The following PARP16 variants were observed in gnomAD, a reference collection of about 807,000 sequenced individuals.
PARP16 encodes protein mono-ADP-ribosyltransferase PARP16.
A neutral mutation model predicts 35.0 loss-of-function variants in PARP16; 31 were observed. That is an observed-to-expected ratio of 0.88 (90% CI 0.66 to 1.19). The LOEUF is 1.19. Among genes scored for constraint, PARP16 ranks in the 50% most tolerant of loss-of-function variants. The pLI is 0.00. For synonymous variants in PARP16, 162 were observed against 169.5 expected, an observed-to-expected ratio of 0.96 and a Z score of 0.34; for missense variants, 424 against 411.2, an observed-to-expected ratio of 1.03 and a Z score of -0.27.
chr15:65,260,597 T>G (rs1195248610), intron 5 of PARP16, among the ~76,000 whole-genome samples: 1 of 152,206 alleles, frequency 6.6e-6, no homozygotes, highest in Non-Finnish European at 1.5e-5. Flanking sequence ...ATGGGCCTAA[T>G]GGCTAAGGGG....
intron 1 of PARP16, among the ~76,000 whole-genome samples, chr15:65,271,949 AATGCAT>A (rs2090109006): frequency 6.6e-6 from 1 of 152,196 alleles, no homozygotes; most frequent in African/African-American, 2.4e-5. Context: ...GTAAATGGGG[AATGCAT>A]AACTTTGGGT....
intron 1 of PARP16, among the ~76,000 whole-genome samples, chr15:65,285,777 A>T (rs2090573163): frequency 6.6e-6 from 1 of 152,246 alleles, no homozygotes; most frequent in Admixed American, 6.5e-5. Flanking sequence ...CAGAGAAATA[A>T]CAGCTTACAT....
chr15:65,249,940 G>A (rs2089309592), intron 2 of PARP16, among the ~76,000 whole-genome samples: 1 of 152,096 alleles, frequency 6.6e-6, no homozygotes, highest in Non-Finnish European at 1.5e-5. Context: ...TGACATTGCA[G>A]GTGCCTTCTG....
Position 65,259,500 on chromosome 15 carries a change from G to A in PARP16, c.876C>T (p.Thr292=), listed in dbSNP as rs533961728. The change falls in exon 6 of 6, where the codon ACC becomes ACT. Residue 292 remains threonine, a synonymous_variant. Coordinates refer to ENST00000649807, the MANE Select transcript of PARP16 (RefSeq NM_001316943.2). Reference sequence around the variant, plus strand: ...GCAGCAGATACAGGGATATCATGACGGTAAACCAATGGCTGGAAAACCAGG... The same window carrying A: ...GCAGCAGATACAGGGATATCATGACAGTAAACCAATGGCTGGAAAACCAGG... ...QLSWFSSHWF[T]VMISLYLLLL... 130 of 1,613,770 alleles carry A rather than the reference G, an allele frequency of 8.1e-5. 1 individual carries two copies. The South Asian group carries it at 1.2e-3, about 15-fold the overall frequency.
intron 2 of PARP16, among the ~76,000 whole-genome samples, chr15:65,251,572 G>A (rs2089358758): frequency 6.6e-6 from 1 of 152,060 alleles, no homozygotes; most frequent in African/African-American, 2.4e-5. Context: ...CTCACATTCA[G>A]GACCACTGAA....
At chr15:65,260,206 T>C (rs1210957865) in intron 5 of PARP16, among the ~76,000 whole-genome samples, 1 of 152,102 alleles carries the variant, frequency 6.6e-6, no homozygotes, top group African/African-American at 2.4e-5. Context: ...GTGGGGATTA[T>C]TTAAAGTGAC....
downstream of PARP16, among the ~76,000 whole-genome samples, chr15:65,253,224 C>T (rs1478361614): frequency 2.6e-5 from 4 of 152,118 alleles, no homozygotes; most frequent in Non-Finnish European, 4.4e-5. Flanking sequence ...CTGGTGACAT[C>T]GCAAATGGGA....
intron 3 of PARP16, among the ~76,000 whole-genome samples, chr15:65,242,428 G>A (rs545303198): frequency 6.6e-6 from 1 of 151,742 alleles, no homozygotes; most frequent in South Asian, 2.1e-4. Context: ...ATTTTGACAG[G>A]AATTATTTTG....
intron 2 of PARP16, among the ~76,000 whole-genome samples, chr15:65,252,428 C>T (rs996918747): frequency 2.2e-4 from 34 of 152,180 alleles, no homozygotes; most frequent in African/African-American, 8.2e-4. Context: ...TTTGGGATAG[C>T]CTGCACTTGC....
At chr15:65,235,639 CAAA>C (rs57790733) in intron 3 of PARP16, among the ~76,000 whole-genome samples, 7 of 83,656 alleles carry the variant, frequency 8.4e-5, no homozygotes, top group Admixed American at 3.3e-4. Flanking sequence ...CCTATCTCTA[CAAA>C]AAAAAAAAAA....
intron 2 of PARP16, among the ~76,000 whole-genome samples, chr15:65,248,709 G>C (rs2089278884): frequency 6.6e-6 from 1 of 152,140 alleles, no homozygotes; most frequent in Non-Finnish European, 1.5e-5. Flanking sequence ...ATCCCACACT[G>C]TCTGCCTCCT....
rs978304747 is a variant in PARP16 at position 65,286,836 on chromosome 15, A to G, written c.-410T>C. 5.8e-6 allele frequency: 1 copy of G among 172,860 alleles called. No individual in the cohort carries two copies. The highest frequency in any genetic ancestry group is 2.4e-5 in the African/African-American group (1 of 42,252). 10.7% of individuals were successfully genotyped at this position (172,860 alleles called of 1,614,324 possible). A position where few individuals can be genotyped will look rare whatever the true frequency, so the allele number is the denominator to read the frequency against. On this transcript the variant is annotated 5_prime_UTR_variant, in exon 1 of 6. Coordinates refer to ENST00000649807, the MANE Select transcript of PARP16 (RefSeq NM_001316943.2). ...GCAGCCCCCGGGGGACGGCGGGCAGAGCCCACTCTCCGCGACGGGCGAGGC... is the reference window on the plus strand; with the variant it reads ...GCAGCCCCCGGGGGACGGCGGGCAGGGCCCACTCTCCGCGACGGGCGAGGC...
At chr15:65,245,752 G>A (rs781480758) in intron 3 of PARP16, among the ~76,000 whole-genome samples, 7 of 152,108 alleles carry the variant, frequency 4.6e-5, no homozygotes, top group African/African-American at 7.2e-5. Context: ...CATCAGAGGC[G>A]GCCTGTTTAC....
intron 1 of PARP16, among the ~76,000 whole-genome samples, chr15:65,279,639 A>G (rs4776680): frequency 0.4 from 61,433 of 152,084 alleles, 14,041 homozygotes; most frequent in East Asian, 0.86. Flanking sequence ...CTGAGAGATC[A>G]AGAATCTTAC....
intron 3 of PARP16, among the ~76,000 whole-genome samples, chr15:65,240,193 G>A (rs1281970927): frequency 6.6e-6 from 1 of 151,402 alleles, no homozygotes; most frequent in Non-Finnish European, 1.5e-5. Flanking sequence ...GCCCAGGCTG[G>A]AGAGCAGTGG....
intron 3 of PARP16, among the ~76,000 whole-genome samples, chr15:65,239,955 CTT>C (rs367808430): frequency 1.2e-4 from 10 of 81,750 alleles, no homozygotes; most frequent in African/African-American, 3.5e-4. Flanking sequence ...CGCGTCTGAC[CTT>C]TTTTTTTTTT....
chr15:65,275,048 G>A (rs2090205542), intron 1 of PARP16, among the ~76,000 whole-genome samples: 2 of 152,008 alleles, frequency 1.3e-5, no homozygotes, highest in South Asian at 4.2e-4. Context: ...TCCAGAGGCA[G>A]AGGTTGCAGT....
intron 3 of PARP16, among the ~76,000 whole-genome samples, chr15:65,237,120 G>C (rs2088904014): frequency 6.6e-6 from 1 of 152,140 alleles, no homozygotes; most frequent in African/African-American, 2.4e-5. Flanking sequence ...AGTCAGGCCT[G>C]GGAGGGCTGG....
chr15:65,254,428 A>G (rs1183420241), downstream of PARP16, among the ~76,000 whole-genome samples: 5 of 152,202 alleles, frequency 3.3e-5, no homozygotes, highest in African/African-American at 1.2e-4. Context: ...CACTGTCTCC[A>G]TGGTGCACAG....
Sources: gnomAD v4.1 joint callset for allele counts (sites outside exome capture counted in the v4.1 genomes callset) on GRCh38, gnomAD v4.1.1 for gene constraint, MANE v1.5 for transcripts, NCBI Gene and HGNC (gene_info 2026-07-23, HGNC 2026-07-21) for gene names.